The following PARD3B variants were observed in gnomAD, a reference collection of about 807,000 sequenced individuals.
The protein encoded by PARD3B is par-3 family cell polarity regulator beta.
Under a neutral mutation model 130.2 loss-of-function variants are expected in PARD3B, and 103 were observed. The observed-to-expected ratio is 0.79, with a 90% CI of 0.67 to 0.93. PARD3B has a LOEUF of 0.93. Ranked by LOEUF, PARD3B falls within the 40% of genes least tolerant of loss-of-function variation. The pLI is 0.00. For missense variants in PARD3B, 1,609 were observed against 1,499.2 expected, an observed-to-expected ratio of 1.07 and a Z score of -1.21; for synonymous variants, 583 against 553.2, an observed-to-expected ratio of 1.05 and a Z score of -0.76.
chr2:204,598,380 C>A (rs2033379983), intron 1 of PARD3B, among the ~76,000 whole-genome samples: 1 of 152,002 alleles, frequency 6.6e-6, no homozygotes, highest in Non-Finnish European at 1.5e-5. Flanking sequence ...TGTACATATC[C>A]TTTAGAACTC....
Position 205,193,290 on chromosome 2 carries a change from A to G in PARD3B, c.2110A>G (p.Asn704Asp). ...ACCGGCCAGGCAGCCTGAATCAATT[A>G]ATTTGAAAGCCTCGAAGAGCATGGA... ...VTPARQPESINLKASKSMDLV... is the reference protein window; with the variant it reads ...VTPARQPESIDLKASKSMDLV... The change falls in exon 15 of 23, where the codon AAT becomes GAT. Residue 704 changes from asparagine to aspartate, a missense_variant. Physicochemically the swap from Asn to Asp is conservative, Grantham distance 23. Coordinates refer to ENST00000406610, the MANE Select transcript of PARD3B (RefSeq NM_001302769.2). The G allele has an allele frequency of 6.2e-7, 1 of 1,612,752 alleles. No individual in the cohort carries two copies. Among genetic ancestry groups the G allele is most frequent in the South Asian group, 1.1e-5 (1 of 91,044 alleles).
At chr2:204,763,210 C>G (rs17113) in intron 2 of PARD3B, among the ~76,000 whole-genome samples, 5,751 of 152,256 alleles carry the variant, frequency 0.038, 158 homozygotes, top group East Asian at 0.16. Context: ...TAACTGCTTT[C>G]CGATGTTGAC....
chr2:204,724,735 C>T (rs573050689), intron 2 of PARD3B, among the ~76,000 whole-genome samples: 63 of 149,694 alleles, frequency 4.2e-4, no homozygotes, highest in African/African-American at 1.5e-3. Context: ...ACTGTCCTTG[C>T]TTTCAAGGAG....
intron 19 of PARD3B, among the ~76,000 whole-genome samples, chr2:205,430,610 C>T (rs2047299145): frequency 1.3e-5 from 2 of 152,090 alleles, no homozygotes; most frequent in Admixed American, 1.3e-4. Context: ...AGAAGTTACT[C>T]TTCATAAACA....
chr2:205,541,941 C>T (rs576222092), intron 21 of PARD3B, among the ~76,000 whole-genome samples: 1 of 151,730 alleles, frequency 6.6e-6, no homozygotes, highest in Non-Finnish European at 1.5e-5. Context: ...ATCAGGAGTT[C>T]CAGGCCAGCG....
intron 19 of PARD3B, among the ~76,000 whole-genome samples, chr2:205,417,125 T>A (rs997381915): frequency 1.4e-4 from 18 of 125,312 alleles, no homozygotes; most frequent in Middle Eastern, 0.011. Context: ...TTCCCCACCC[T>A]GTGTCCATGT....
intron 19 of PARD3B, among the ~76,000 whole-genome samples, chr2:205,429,259 T>C (rs1012847479): frequency 1.3e-5 from 2 of 152,296 alleles, no homozygotes; most frequent in African/African-American, 2.4e-5. Flanking sequence ...TTTGTCACCA[T>C]TGGAACTATC....
At chr2:204,620,008 C>T (rs949199327) in intron 1 of PARD3B, among the ~76,000 whole-genome samples, 1 of 152,046 alleles carries the variant, frequency 6.6e-6, no homozygotes, top group Admixed American at 6.6e-5. Context: ...GCACCTCTCT[C>T]TCTCTTTTTT....
intron 2 of PARD3B, among the ~76,000 whole-genome samples, chr2:204,900,918 C>T (rs1417477084): frequency 6.6e-6 from 1 of 152,126 alleles, no homozygotes; most frequent in African/African-American, 2.4e-5. Flanking sequence ...TGGAAGAGTT[C>T]TGTGGATTAC....
At chr2:205,438,057 G>A (rs1038655133) in intron 19 of PARD3B, among the ~76,000 whole-genome samples, 3 of 152,042 alleles carry the variant, frequency 2.0e-5, no homozygotes, top group African/African-American at 7.2e-5. Context: ...TCAACATGGA[G>A]GGACCCTGAT....
rs746487091 is a variant in PARD3B, at chr2:205,126,166, AG to A, written c.1434+430del. ...TGAAGATTATGAAGGGAAAATGCAG[AG>A]TGCCATGATAACATAGAACAAGGGT... On this transcript the variant is annotated intron_variant, in intron 10 of 22. Transcript: ENST00000406610. Among the ~76,000 whole-genome samples, 23 of 152,240 alleles carry A rather than the reference AG, an allele frequency of 1.5e-4. No individual in the cohort carries two copies. The East Asian group carries it at 1.5e-3, about 10-fold the overall frequency.
At chr2:205,248,245 T>TC (rs1295960150) in intron 16 of PARD3B, among the ~76,000 whole-genome samples, 1 of 151,988 alleles carries the variant, frequency 6.6e-6, no homozygotes, top group Non-Finnish European at 1.5e-5. Flanking sequence ...GCCTGGCCAC[T>TC]CCCCCAATTT....
intron 1 of PARD3B, among the ~76,000 whole-genome samples, chr2:204,600,795 CCTCT>C (rs1292356779): frequency 6.6e-6 from 1 of 151,796 alleles, no homozygotes; most frequent in Non-Finnish European, 1.5e-5. Context: ...CATTGACTAG[CCTCT>C]CTTTCAACTC....
chr2:205,552,802 C>T (rs2052708296), intron 21 of PARD3B, among the ~76,000 whole-genome samples: 1 of 151,978 alleles, frequency 6.6e-6, no homozygotes, highest in South Asian at 2.1e-4. Context: ...TGGATGGGAT[C>T]CAGGGACAGA....
chr2:205,275,862 AG>A (rs750432110), intron 16 of PARD3B, among the ~76,000 whole-genome samples: 95 of 144,986 alleles, frequency 6.6e-4, no homozygotes, highest in Non-Finnish European at 1.1e-3. Flanking sequence ...AAAAAAAAAA[AG>A]GTTCAATTAG....
intron 18 of PARD3B, among the ~76,000 whole-genome samples, chr2:205,395,873 A>G (rs1417451778): frequency 1.3e-5 from 2 of 152,084 alleles, no homozygotes; most frequent in Admixed American, 1.3e-4. Flanking sequence ...CTCCTCCACT[A>G]ACTCTGTCTC....
intron 1 of PARD3B, among the ~76,000 whole-genome samples, chr2:204,614,614 G>A (rs73059018): frequency 0.023 from 3,524 of 152,206 alleles, 117 homozygotes; most frequent in East Asian, 0.13. Context: ...ATGTTGAATT[G>A]TAATCCCCAT....
intron 2 of PARD3B, among the ~76,000 whole-genome samples, chr2:204,935,885 G>A (rs1206464933): frequency 6.6e-6 from 1 of 152,136 alleles, no homozygotes; most frequent in African/African-American, 2.4e-5. Context: ...GCTGATGGTA[G>A]GCTATTGTGA....
At chr2:204,795,990 C>G (rs1184572474) in intron 2 of PARD3B, among the ~76,000 whole-genome samples, 2 of 152,054 alleles carry the variant, frequency 1.3e-5, no homozygotes, top group Admixed American at 1.3e-4. Flanking sequence ...CCTAATCACT[C>G]TACATGTTTT....
Sources: allele counts gnomAD v4.1 joint callset (sites outside exome capture counted in the v4.1 genomes callset), GRCh38; gene constraint gnomAD v4.1.1; transcripts MANE v1.5; gene names NCBI Gene and HGNC (gene_info 2026-07-23, HGNC 2026-07-21).